C2CD2: variants seen among roughly 807,000 people sequenced by gnomAD.
The protein encoded by C2CD2 is C2 domain-containing protein 2.
Under a neutral mutation model 74.3 loss-of-function variants are expected in C2CD2, and 43 were observed. The ratio of observed to expected loss-of-function variants is 0.58; its 90% CI spans 0.45 to 0.75. The LOEUF (loss-of-function observed/expected upper bound fraction) is 0.75. Among genes scored for constraint, C2CD2 ranks in the 30% least tolerant of loss-of-function variants. The pLI is 0.00. For synonymous variants in C2CD2, 422 were observed against 390.7 expected (o/e 1.08, Z -0.94); for missense variants, 801 against 916.3 (o/e 0.87, Z 1.63).
Position 41,892,552 on chromosome 21 carries a change from G to A in C2CD2, c.1871-3208C>T, listed in dbSNP as rs2064767235. ...TGGAGGCGGAGAGGACAGTGAAGCA[G>A]CATCCTCAGCCCCGAGCCCTCCAAA... On this transcript the variant is annotated intron_variant, in intron 13 of 13. Coordinates refer to ENST00000380486, the MANE Select transcript of C2CD2 (RefSeq NM_015500.2). The surrounding 1 kb of genome is among the most constrained non-coding windows in gnomAD (Gnocchi z 4.6). Among the ~76,000 whole-genome samples the A allele has an allele frequency of 6.6e-6, 1 of 152,232 alleles. No individual in the cohort carries two copies.
chr21:41,942,369 T>C (rs191156220), intron 1 of C2CD2, 124 bp from the exon 2 acceptor site: 3 of 732,084 alleles, frequency 4.1e-6, no homozygotes, highest in Non-Finnish European at 4.6e-6. Flanking sequence ...GTGAACTCTG[T>C]GCTTCTAATA....
chr21:41,932,928 G>A (rs2065275421), intron 2 of C2CD2, among the ~76,000 whole-genome samples: 1 of 150,416 alleles, frequency 6.6e-6, no homozygotes, highest in Non-Finnish European at 1.5e-5. Flanking sequence ...GTTTCATTGG[G>A]AGAGGGACCC....
chr21:41,920,276 G>A (rs958971159), intron 3 of C2CD2, among the ~76,000 whole-genome samples: 1 of 152,148 alleles, frequency 6.6e-6, no homozygotes, highest in African/African-American at 2.4e-5. Flanking sequence ...ACTGTTCAGG[G>A]TCATTTGTTT....
In C2CD2 at chr21:41,953,371, C is replaced by T; in HGVS notation, c.278G>A (p.Gly93Glu). Reference sequence around the variant, plus strand: ...CGGCCCGCAGTCCCGGAAACTCACCCCTTTCCTCTCGGCCTCCTCGTTCAG... The same window carrying T: ...CGGCCCGCAGTCCCGGAAACTCACCTCTTTCCTCTCGGCCTCCTCGTTCAG... Reference protein sequence around the residue: ...TALNEEAERKGGPPFLSFEED... With the variant: ...TALNEEAERKEGPPFLSFEED... The change falls in exon 1 of 14, where the codon GGG (glycine) becomes GAG (glutamate). Residue 93 changes from glycine (G) to glutamate (E), a missense_variant and splice_region_variant. Transcript: ENST00000380486. The T allele has an allele frequency of 7.1e-7, 1 of 1,415,552 alleles. No individual in the cohort carries two copies. The highest frequency in any genetic ancestry group is 1.5e-5 in the African/African-American group (1 of 66,800). The allele number at this position is 1,415,552 out of a possible 1,614,324, so 87.7% of individuals were successfully genotyped here.
intron 6 of C2CD2, among the ~76,000 whole-genome samples, chr21:41,913,717 G>A (rs2065054420): frequency 6.6e-6 from 1 of 152,094 alleles, no homozygotes; most frequent in African/African-American, 2.4e-5. Context: ...TAACATACTC[G>A]GGCAATACAA....
At chr21:41,904,776 G>A (rs538510176) in intron 11 of C2CD2, among the ~76,000 whole-genome samples, 30 of 152,308 alleles carry the variant, frequency 2.0e-4, no homozygotes, top group African/African-American at 6.5e-4. Context: ...GTTGACCTGG[G>A]CAAGGTCAGA....
At position 41,907,128 on chromosome 21, in the gene C2CD2, G is replaced by A; in HGVS notation, c.1182C>T (p.Pro394=). The change falls in exon 10 of 14, where the codon CCC becomes CCT. Residue 394 remains proline, a synonymous_variant. Transcript: ENST00000380486. ...YMEPGELKSW[P]IPPPVPAAKI... ...TTGCAGCAGGAACAGGGGGAGGGATGGGCCAGGATTTCAATTCACCAGGTT... is the reference window on the plus strand; with the variant it reads ...TTGCAGCAGGAACAGGGGGAGGGATAGGCCAGGATTTCAATTCACCAGGTT... The A allele has an allele frequency of 6.2e-7, 1 of 1,614,088 alleles. No individual in the cohort carries two copies. The highest frequency in any genetic ancestry group is 8.5e-7 in the Non-Finnish European group (1 of 1,179,924).
intron 7 of C2CD2, among the ~76,000 whole-genome samples, chr21:41,911,508 C>T (rs934937076): frequency 2.0e-5 from 3 of 151,240 alleles, no homozygotes; most frequent in Non-Finnish European, 4.4e-5. Context: ...TCTCCTGCCT[C>T]GGCTTCCTGA....
At position 41,914,724 on chromosome 21, in the gene C2CD2, GA is replaced by G; in HGVS notation, c.721-4del. On this transcript the variant is annotated splice_polypyrimidine_tract_variant and splice_region_variant and intron_variant, in intron 5 of 13. Transcript: ENST00000380486. ...GTAGATGCAGCACACTGTAAGTTCT[GA>G]AAAAATAAAGAGCACTTTATTTTTG... is the stretch of plus-strand genomic sequence containing the variant. 2 of 1,609,974 alleles carry G rather than the reference GA, an allele frequency of 1.2e-6. No homozygotes were observed. The highest frequency in any genetic ancestry group is 1.7e-6 in the Non-Finnish European group (2 of 1,178,302).
rs969741393 is a variant in C2CD2, at chr21:41,926,682, C to T, written c.379-4597G>A. The T allele has an allele frequency of 5.2e-6, 5 of 967,998 alleles. No homozygotes were observed. The highest frequency in any genetic ancestry group is 1.8e-5 in the African/African-American group (1 of 56,904). The allele number at this position is 967,998 out of a possible 1,614,324, so 60.0% of individuals were successfully genotyped here. On this transcript the variant is annotated intron_variant, in intron 2 of 13. Coordinates refer to ENST00000380486, the MANE Select transcript of C2CD2 (RefSeq NM_015500.2). The surrounding 1 kb of genome is among the most constrained non-coding windows in gnomAD (Gnocchi z 8.0). ...CTACTGTTCACCAACAAGAGAGCCCCTGAGTCTTCAGATCTCACTGTGCCC... is the reference window on the plus strand; with the variant it reads ...CTACTGTTCACCAACAAGAGAGCCCTTGAGTCTTCAGATCTCACTGTGCCC...
In C2CD2 at chr21:41,953,820, G is replaced by C. The variant is rs1437896453; in HGVS notation, c.-172C>G. 4 of 479,294 alleles carry C rather than the reference G, an allele frequency of 8.3e-6. No individual in the cohort carries two copies. Among genetic ancestry groups the C allele is most frequent in the Non-Finnish European group, 1.3e-5 (4 of 319,444 alleles). The allele number at this position is 479,294 out of a possible 1,614,324, so 29.7% of individuals were successfully genotyped here. A position where few individuals can be genotyped will look rare whatever the true frequency, so the allele number is the denominator to read the frequency against. ...GGGGGCCTCTGGGCGGGCAAGCGGGGAGGAAACGCGCGGCGGCCGCGGCCC... is the reference window on the plus strand; with the variant it reads ...GGGGGCCTCTGGGCGGGCAAGCGGGCAGGAAACGCGCGGCGGCCGCGGCCC... On this transcript the variant is annotated 5_prime_UTR_variant, in exon 1 of 14. Coordinates refer to ENST00000380486, the MANE Select transcript of C2CD2 (RefSeq NM_015500.2).
intron 7 of C2CD2, among the ~76,000 whole-genome samples, chr21:41,911,072 T>A (rs919066497): frequency 2.6e-5 from 4 of 152,356 alleles, no homozygotes; most frequent in Non-Finnish European, 4.4e-5. Flanking sequence ...TAGTGATTTT[T>A]AAAATCTTAT....
chr21:41,912,610 C>A (rs1323300945), intron 6 of C2CD2, among the ~76,000 whole-genome samples, 170 bp from the exon 7 acceptor site: 1 of 152,150 alleles, frequency 6.6e-6, no homozygotes, highest in African/African-American at 2.4e-5. Context: ...CCTGCCTCAG[C>A]TTCCCGAGTA....
intron 4 of C2CD2, among the ~76,000 whole-genome samples, chr21:41,918,606 C>T (rs908236567): frequency 1.3e-5 from 2 of 151,936 alleles, no homozygotes; most frequent in Non-Finnish European, 2.9e-5. Flanking sequence ...TTTTAAATGG[C>T]CAGGTGACTG....
At chr21:41,898,774 G>A (rs2064853729) in intron 13 of C2CD2, among the ~76,000 whole-genome samples, 3 of 152,196 alleles carry the variant, frequency 2.0e-5, no homozygotes, top group Admixed American at 2.0e-4. Flanking sequence ...CGGGAAGCCA[G>A]GTGGAGCAAG....
chr21:41,892,597 A>G lies in C2CD2; in HGVS notation c.1871-3253T>C, dbSNP rs375722426. On this transcript the variant is annotated intron_variant, in intron 13 of 13. Transcript: ENST00000380486. The surrounding 1 kb of genome is among the most constrained non-coding windows in gnomAD (Gnocchi z 4.6). The stretch of plus-strand genomic sequence containing the variant: ...TCCAAACAACAGGCCTCTAAGGACA[A>G]CAGGCGTGCAGGCCCTTCCTGGAGA... 4.0e-4 allele frequency among the ~76,000 whole-genome samples: 61 copies of G among 152,332 alleles called. No homozygotes were observed. The East Asian group carries it at 9.4e-3, about 24-fold the overall frequency.
rs2064974579 is a variant in C2CD2 at position 41,907,279 on chromosome 21, A to C, written c.1144-113T>G. ...CCATAATTCATAATTCCTTCCCTTA[A>C]GGTCACTTAGCATCTCCAATTAACC... On this transcript the variant is annotated intron_variant, in intron 9 of 13. Transcript: ENST00000380486. The C allele has an allele frequency of 4.7e-6, 4 of 856,626 alleles. No individual in the cohort carries two copies. The Admixed American group carries it at 8.8e-5, about 19-fold the overall frequency. 53.1% of individuals were successfully genotyped at this position (856,626 alleles called of 1,614,324 possible). A position where few individuals can be genotyped will look rare whatever the true frequency, so the allele number is the denominator to read the frequency against.
At position 41,926,223 on chromosome 21, in the gene C2CD2, T is replaced by C. The variant is rs565497230; in HGVS notation, c.379-4138A>G. ...ACCTGCATTTTTTTGACATTTTTTT[T>C]CCCCAAAACAAGCAAAGATTATTTA... On this transcript the variant is annotated intron_variant, in intron 2 of 13. Transcript: ENST00000380486. This position sits in a 1 kb window ranked among gnomAD's most constrained non-coding sequence, Gnocchi z 8.0. 2.6e-4 allele frequency among the ~76,000 whole-genome samples: 40 copies of C among 152,220 alleles called. No individual in the cohort carries two copies. Among genetic ancestry groups the C allele is most frequent in the African/African-American group, 3.6e-4 (15 of 41,532 alleles).
rs751587313 is a variant in C2CD2 at position 41,914,607 on chromosome 21, C to T, written c.835G>A (p.Gly279Ser). The T allele has an allele frequency of 1.9e-5, 31 of 1,613,176 alleles. No homozygotes were observed. In the Middle Eastern group the frequency reaches 2.8e-3, roughly 147 times the overall value. ...TCCCATCGTCACCCACCTGAGGCAC[C>T]GGGCTCGCTGAGCAGCAAGACGTGG... ...NIHVLLLSEP[G>S]ASGHINAVCV... is the part of the protein sequence containing the mutation. The change falls in exon 6 of 14, where the codon GGT becomes AGT. Residue 279 changes from glycine to serine, a missense_variant. Gly to Ser is a moderately conservative substitution (Grantham distance 56). Transcript: ENST00000380486.
Sources: allele counts gnomAD v4.1 joint callset (sites outside exome capture counted in the v4.1 genomes callset), GRCh38; gene constraint gnomAD v4.1.1; non-coding constraint Gnocchi (gnomAD v3.1); transcripts MANE v1.5; gene names NCBI Gene and HGNC (gene_info 2026-07-23, HGNC 2026-07-21).